Variants in TCEA3 observed in about 807,000 individuals in gnomAD.
TCEA3 encodes transcription elongation factor A3.
Under a neutral mutation model 44.0 loss-of-function variants are expected in TCEA3, and 36 were observed. The observed-to-expected ratio is 0.82, with a 90% CI of 0.63 to 1.08. The LOEUF is 1.08. Among genes scored for constraint, TCEA3 ranks in the 50% least tolerant of loss-of-function variants. The pLI, the probability that TCEA3 is intolerant of heterozygous loss-of-function variation, is 0.00. For synonymous variants in TCEA3, 162 were observed against 159.7 expected (o/e 1.01, Z -0.11); for missense variants, 392 against 441.2 (o/e 0.89, Z 1.00).
At chr1:23,422,350 CAT>C (rs1403620052) in intron 1 of TCEA3, among the ~76,000 whole-genome samples, 6 of 152,274 alleles carry the variant, frequency 3.9e-5, no homozygotes, top group Admixed American at 6.5e-5. Context: ...GTTGTGGCCA[CAT>C]GTTATAGCTA....
intron 4 of TCEA3, chr1:23,412,070 T>C (rs926882705): frequency 1.7e-4 from 26 of 152,282 alleles, no homozygotes; most frequent in Admixed American, 6.5e-4. Context: ...TGCTCTCCTA[T>C]TGGTCTCTCT....
intron 8 of TCEA3, 115 bp from the exon 9 acceptor site, chr1:23,387,534 G>A (rs1365443590): frequency 8.1e-7 from 1 of 1,230,556 alleles, no homozygotes. Flanking sequence ...TTGACTGCAA[G>A]GAGCTGGAAG....
chr1:23,403,714 C>T (rs187918747), intron 5 of TCEA3: 19 of 194,040 alleles, frequency 9.8e-5, no homozygotes, highest in African/African-American at 2.1e-4. Context: ...ACCTGCCTGT[C>T]GCCCTTCCAA....
intron 2 of TCEA3, among the ~76,000 whole-genome samples, chr1:23,418,517 G>A (rs928678702): frequency 1.3e-5 from 2 of 152,138 alleles, no homozygotes; most frequent in African/African-American, 4.8e-5. Context: ...TCACCATGTT[G>A]GCCAGGCTGG....
chr1:23,397,312 A>C lies in TCEA3; in HGVS notation c.664+233T>G, dbSNP rs2148558444. Among the ~76,000 whole-genome samples, 3 of 152,338 alleles carry C rather than the reference A, an allele frequency of 2.0e-5. No individual in the cohort carries two copies. The South Asian group carries it at 6.2e-4, about 32-fold the overall frequency. ...TGAAACTGGATAAATCAGGGAACCTACTGTGGGGTTGTTATCAACACTGAA... is the reference window on the plus strand; with the variant it reads ...TGAAACTGGATAAATCAGGGAACCTCCTGTGGGGTTGTTATCAACACTGAA... On this transcript the variant is annotated intron_variant, in intron 7 of 10. Coordinates refer to ENST00000450454, the MANE Select transcript of TCEA3 (RefSeq NM_003196.3).
At chr1:23,419,414 C>G (rs1011421390) in intron 1 of TCEA3, 3 of 342,346 alleles carry the variant, frequency 8.8e-6, no homozygotes, top group Non-Finnish European at 1.6e-5. Context: ...ATGCCCTCCC[C>G]CTTCCCCATC....
intron 4 of TCEA3, among the ~76,000 whole-genome samples, chr1:23,414,426 G>A (rs899639470): frequency 6.0e-5 from 9 of 149,270 alleles, no homozygotes; most frequent in Non-Finnish European, 1.2e-4. Flanking sequence ...TTTTTAAGAC[G>A]GAGTCTAGTT....
At chr1:23,395,346 G>C (rs139820009) in intron 7 of TCEA3, among the ~76,000 whole-genome samples, 1 of 152,208 alleles carries the variant, frequency 6.6e-6, no homozygotes, top group African/African-American at 2.4e-5. Context: ...AGAGCAGACC[G>C]GGGGCACCGG....
chr1:23,415,534 G>T lies in TCEA3; in HGVS notation c.380+1715C>A, dbSNP rs527785414. Among the ~76,000 whole-genome samples the T allele has an allele frequency of 3.7e-4, 57 of 152,190 alleles. 1 individual carries two copies. The highest frequency in any genetic ancestry group is 1.3e-3 in the African/African-American group (54 of 41,530). ...TGCTCCTGGTCCTTCATTTGCCAAG[G>T]TTCTCATAACCACACAGGTGCTCCA... is the stretch of plus-strand genomic sequence containing the variant. On this transcript the variant is annotated intron_variant, in intron 4 of 10. Coordinates refer to ENST00000450454, the MANE Select transcript of TCEA3 (RefSeq NM_003196.3).
At chr1:23,396,738 C>A (rs1241692639) in intron 7 of TCEA3, among the ~76,000 whole-genome samples, 6 of 152,050 alleles carry the variant, frequency 3.9e-5, no homozygotes, top group Non-Finnish European at 8.8e-5. Context: ...TGTGATGGCT[C>A]ACACCTGTAA....
chr1:23,408,829 G>T, intron 4 of TCEA3, 103 bp from the exon 5 acceptor site: 1 of 1,161,188 alleles, frequency 8.6e-7, no homozygotes, highest in Non-Finnish European at 1.2e-6. Flanking sequence ...CTGGCTTGAG[G>T]CTAAGGAAGC....
intron 1 of TCEA3, among the ~76,000 whole-genome samples, chr1:23,421,714 A>G (rs1166847975): frequency 6.6e-6 from 1 of 152,260 alleles, no homozygotes; most frequent in East Asian, 1.9e-4. Flanking sequence ...ACAATGTAGT[A>G]AAACAATCAG....
At chr1:23,404,329 T>C (rs1222713859) in intron 5 of TCEA3, among the ~76,000 whole-genome samples, 1 of 151,886 alleles carries the variant, frequency 6.6e-6, no homozygotes, top group Non-Finnish European at 1.5e-5. Flanking sequence ...GTGCCATTTC[T>C]TTCTGCTTGA....
At chr1:23,385,404 G>A (rs892912340) in intron 9 of TCEA3, among the ~76,000 whole-genome samples, 5 of 152,188 alleles carry the variant, frequency 3.3e-5, no homozygotes, top group African/African-American at 1.2e-4. Context: ...TTTGCTAGTG[G>A]GCAGTTTACT....
chr1:23,392,028 A>C (rs1004324460), intron 8 of TCEA3, among the ~76,000 whole-genome samples: 1 of 152,210 alleles, frequency 6.6e-6, no homozygotes, highest in Non-Finnish European at 1.5e-5. Flanking sequence ...CGAAAGACAC[A>C]CTGTAAAGCC....
chr1:23,389,625 G>A (rs1638962405), intron 8 of TCEA3, among the ~76,000 whole-genome samples: 1 of 152,162 alleles, frequency 6.6e-6, no homozygotes, highest in Non-Finnish European at 1.5e-5. Context: ...ACTCCAGCCT[G>A]GGTGACAGAG....
intron 1 of TCEA3, 60 bp downstream of exon 1, chr1:23,424,505 T>C: frequency 8.0e-6 from 12 of 1,504,860 alleles, no homozygotes; most frequent in Non-Finnish European, 1.0e-5. Context: ...CACCCCGGAA[T>C]CCGGGGCTTG....
intron 10 of TCEA3, chr1:23,383,424 C>A (rs994732022): frequency 2.1e-6 from 2 of 943,526 alleles, no homozygotes; most frequent in Non-Finnish European, 2.5e-6. Flanking sequence ...TATAAAGGAA[C>A]AATTCTTGTA....
chr1:23,398,035 G>T, intron 5 of TCEA3, 80 bp from the exon 6 acceptor site: 1 of 1,518,746 alleles, frequency 6.6e-7, no homozygotes, highest in Non-Finnish European at 9.0e-7. Flanking sequence ...ATGTCTTGAT[G>T]GATGATCTCC....
Sources: gnomAD v4.1 joint callset for allele counts (sites outside exome capture counted in the v4.1 genomes callset) on GRCh38, gnomAD v4.1.1 for gene constraint, MANE v1.5 for transcripts, NCBI Gene and HGNC (gene_info 2026-07-23, HGNC 2026-07-21) for gene names.